The following IFNLR1 variants were observed in gnomAD, a reference collection of about 807,000 sequenced individuals.
IFNLR1 encodes CRF2-12.
IFNLR1 carries 28 observed loss-of-function variants against 52.5 expected under a neutral mutation model. That is an observed-to-expected ratio of 0.53 (90% confidence interval 0.40 to 0.73). The LOEUF (loss-of-function observed/expected upper bound fraction) is 0.73. IFNLR1 is among the 30% of genes least tolerant of loss of function. The pLI is 0.00. For missense variants in IFNLR1, 623 were observed against 659.1 expected (o/e 0.95, Z 0.60); for synonymous variants, 276 against 274.9 (o/e 1.00, Z -0.04).
intron 2 of IFNLR1, among the ~76,000 whole-genome samples, chr1:24,175,992 A>G (rs1325522350): frequency 1.3e-5 from 2 of 151,950 alleles, no homozygotes; most frequent in African/African-American, 4.8e-5. Flanking sequence ...TGTATTTTGC[A>G]TATGAAAAGG....
rs1644390075 is a variant in IFNLR1, at chr1:24,157,281, G to A, written c.1412C>T (p.Thr471Ile). ...GCTGCTTTCCCAGCAGAAGGTCAGT[G>A]TCTGAAGAGAAACTGGGGGTCCCCC... is the stretch of plus-strand genomic sequence containing the variant. ...VPGGPPVSLQ[T>I]LTFCWESSPE... Residue 471 changes from threonine to isoleucine, a missense_variant, in exon 7 of 7, where the codon ACA becomes ATA. By Grantham distance (89) the Thr-to-Ile change is moderately conservative (BLOSUM62 -1). Coordinates refer to ENST00000327535, the MANE Select transcript of IFNLR1 (RefSeq NM_170743.4). This position sits in a 1 kb window ranked among gnomAD's most constrained non-coding sequence, Gnocchi z 5.1. 3 of 1,614,180 alleles carry A rather than the reference G, an allele frequency of 1.9e-6. No homozygotes were observed. The highest frequency in any genetic ancestry group is 2.5e-6 in the Non-Finnish European group (3 of 1,180,038).
intron 4 of IFNLR1, among the ~76,000 whole-genome samples, chr1:24,159,967 C>G (rs900561948): frequency 6.6e-6 from 1 of 152,042 alleles, no homozygotes. Flanking sequence ...AGGCTGGTCT[C>G]GAACTCCCAG....
chr1:24,177,536 C>T (rs1479749128), intron 2 of IFNLR1, among the ~76,000 whole-genome samples: 3 of 152,212 alleles, frequency 2.0e-5, no homozygotes, highest in Non-Finnish European at 4.4e-5. Flanking sequence ...GAAGCTATCC[C>T]ACCATCTGCC....
At chr1:24,169,839 T>G (rs1252760871) in intron 2 of IFNLR1, among the ~76,000 whole-genome samples, 1 of 152,234 alleles carries the variant, frequency 6.6e-6, no homozygotes, top group Non-Finnish European at 1.5e-5. Flanking sequence ...TTTGGGACCA[T>G]GGGCAGGTCC....
chr1:24,172,241 T>C (rs1375615528), intron 2 of IFNLR1, among the ~76,000 whole-genome samples: 1 of 152,184 alleles, frequency 6.6e-6, no homozygotes, highest in African/African-American at 2.4e-5. Context: ...GGAAAACATA[T>C]AGCTTTAAAT....
In IFNLR1 at chr1:24,162,706, CTTTTCTTTCTTTCTTTCT is replaced by C. The variant is rs1201876495; in HGVS notation, c.368-1040_368-1023del. ...AGAGGGCAGAACTCACTTTTCTTTT[CTTTTCTTTCTTTCTTTCT>C]TTTCTTTCTTTCTTTCTTTCTTTCT... On this transcript the variant is annotated intron_variant, in intron 3 of 6. Transcript: ENST00000327535. Among the ~76,000 whole-genome samples the C allele has an allele frequency of 4.0e-3, 87 of 21,786 alleles. 3 individuals carry two copies. The highest frequency in any genetic ancestry group is 0.014 in the African/African-American group (71 of 5,194). The allele number at this position is 21,786 out of a possible 152,430, so 14.3% of individuals were successfully genotyped here. A position where few individuals can be genotyped will look rare whatever the true frequency, so the allele number is the denominator to read the frequency against.
At chr1:24,166,228 A>C (rs1644518520) in intron 3 of IFNLR1, among the ~76,000 whole-genome samples, 1 of 143,448 alleles carries the variant, frequency 7.0e-6, no homozygotes, top group African/African-American at 2.7e-5. Context: ...CTTCCCAACC[A>C]CCCTTTCTTC....
intron 4 of IFNLR1, 78 bp downstream of exon 4, chr1:24,161,464 C>T: frequency 1.3e-6 from 2 of 1,505,518 alleles, no homozygotes; most frequent in Non-Finnish European, 1.8e-6. Flanking sequence ...CAGGAGCAGG[C>T]TGGGAGGGTG....
chr1:24,167,842 A>G (rs1165180468), intron 3 of IFNLR1, among the ~76,000 whole-genome samples: 1 of 151,916 alleles, frequency 6.6e-6, no homozygotes, highest in Non-Finnish European at 1.5e-5. Flanking sequence ...CTACAGGCGC[A>G]CATCATCACG....
chr1:24,171,073 T>C (rs1325916017), intron 2 of IFNLR1, among the ~76,000 whole-genome samples: 2 of 152,212 alleles, frequency 1.3e-5, no homozygotes, highest in Non-Finnish European at 2.9e-5. Flanking sequence ...GAACATTAGA[T>C]AATGATAAAT....
At chr1:24,179,606 C>T (rs565449405) in intron 2 of IFNLR1, among the ~76,000 whole-genome samples, 13 of 152,296 alleles carry the variant, frequency 8.5e-5, no homozygotes, top group African/African-American at 3.1e-4. Flanking sequence ...GAGTCGGACC[C>T]GAGTTCCCCT....
chr1:24,159,089 T>C lies in IFNLR1; in HGVS notation c.764A>G (p.Asn255Ser), dbSNP rs772543594. Residue 255 changes from asparagine to serine, a missense_variant, in exon 6 of 7, where the codon AAC becomes AGC. By Grantham distance (46) the Asn-to-Ser change is conservative. Coordinates refer to ENST00000327535, the MANE Select transcript of IFNLR1 (RefSeq NM_170743.4). ...GGVIWKTLMGNPWFQRAKMPR... is the reference protein window; with the variant it reads ...GGVIWKTLMGSPWFQRAKMPR... ...CATCTTTGCCCGCTGAAACCAGGGG[T>C]TCCCCATGAGGGTCTTCCAGATCAC... 6.2e-7 allele frequency: 1 copy of C among 1,613,968 alleles called. No individual in the cohort carries two copies. Among genetic ancestry groups the C allele is most frequent in the Non-Finnish European group, 8.5e-7 (1 of 1,180,004 alleles).
rs536965447 is a variant in IFNLR1 at position 24,161,648 on chromosome 1, G to A, written c.404C>T (p.Thr135Met). The change falls in exon 4 of 7, where the codon ACG (threonine) becomes ATG (methionine). Residue 135 changes from threonine (T) to methionine (M), a missense_variant. Transcript: ENST00000327535. ...PAPPVLVLTQTEEILSANATY... is the reference protein window; with the variant it reads ...PAPPVLVLTQMEEILSANATY... ...GGCATTGGCACTCAGGATCTCCTCCGTCTGGGTGAGCACCAGGACAGGTGG... is the reference window on the plus strand; with the variant it reads ...GGCATTGGCACTCAGGATCTCCTCCATCTGGGTGAGCACCAGGACAGGTGG... 1.3e-5 allele frequency: 20 copies of A among 1,536,668 alleles called. No homozygotes were observed. The highest frequency in any genetic ancestry group is 8.0e-5 in the Admixed American group (4 of 50,160).
rs1197534918 is a variant in IFNLR1, at chr1:24,159,121, T to A, written c.732A>T (p.Ala244=). 1 of 1,614,076 alleles carries A rather than the reference T, an allele frequency of 6.2e-7. No homozygotes were observed. Among genetic ancestry groups the A allele is most frequent in the Non-Finnish European group, 8.5e-7 (1 of 1,180,010 alleles). ...SLLILLLVIA[A]GGVIWKTLMG... The stretch of plus-strand genomic sequence containing the variant: ...TGAGGGTCTTCCAGATCACACCCCC[T>A]GCGGCAATTACTAACAGCAGTATCA... Residue 244 remains alanine (A), a synonymous_variant, in exon 6 of 7, where the codon GCA becomes GCT. Coordinates refer to ENST00000327535, the MANE Select transcript of IFNLR1 (RefSeq NM_170743.4).
At chr1:24,161,863 T>A (rs916764486) in intron 3 of IFNLR1, among the ~76,000 whole-genome samples, 179 bp from the exon 4 acceptor site, 1 of 152,146 alleles carries the variant, frequency 6.6e-6, no homozygotes, top group Non-Finnish European at 1.5e-5. Context: ...GAGGGAGATA[T>A]CACTACTCTC....
At chr1:24,177,947 T>A (rs937104101) in intron 2 of IFNLR1, among the ~76,000 whole-genome samples, 2 of 152,090 alleles carry the variant, frequency 1.3e-5, no homozygotes, top group African/African-American at 4.8e-5. Flanking sequence ...TAAATTTAGA[T>A]GGGAAGCACC....
chr1:24,156,927 G>A lies in IFNLR1; in HGVS notation c.*203C>T. The A allele has an allele frequency of 1.6e-6, 1 of 609,490 alleles. No individual in the cohort carries two copies. The highest frequency in any genetic ancestry group is 2.9e-6 in the Non-Finnish European group (1 of 349,478). The allele number at this position is 609,490 out of a possible 1,614,324, so 37.8% of individuals were successfully genotyped here. A position where few individuals can be genotyped will look rare whatever the true frequency, so the allele number is the denominator to read the frequency against. ...CTGTGTCCACCCCTCTTATAGCTCA[G>A]CCTAAAGAGGGCGGGTCACAGGAGG... On this transcript the variant is annotated 3_prime_UTR_variant, in exon 7 of 7. Coordinates refer to ENST00000327535, the MANE Select transcript of IFNLR1 (RefSeq NM_170743.4).
chr1:24,182,525 G>A (rs926612997), intron 1 of IFNLR1, among the ~76,000 whole-genome samples: 7 of 152,164 alleles, frequency 4.6e-5, no homozygotes, highest in Non-Finnish European at 1.0e-4. Context: ...TTCCCCTGAT[G>A]TAATTAATGG....
chr1:24,158,750 A>C (rs1644408073), intron 6 of IFNLR1, among the ~76,000 whole-genome samples: 1 of 152,072 alleles, frequency 6.6e-6, no homozygotes, highest in Non-Finnish European at 1.5e-5. Context: ...TCCCCTTTTG[A>C]GTGTCTCTCC....
Sources: allele counts gnomAD v4.1 joint callset (sites outside exome capture counted in the v4.1 genomes callset), GRCh38; gene constraint gnomAD v4.1.1; non-coding constraint Gnocchi (gnomAD v3.1); transcripts MANE v1.5; gene names NCBI Gene and HGNC (gene_info 2026-07-23, HGNC 2026-07-21).